EDIL3: variants seen among roughly 807,000 people sequenced by gnomAD.
EDIL3 encodes the protein EGF like and discoidin domains 3, also known as EGF-like repeat and discoidin I-like domain-containing protein 3.
Under a neutral mutation model 67.4 loss-of-function variants are expected in EDIL3, and 37 were observed. The ratio of observed to expected loss-of-function variants is 0.55; its 90% confidence interval spans 0.42 to 0.72. The LOEUF (loss-of-function observed/expected upper bound fraction) is 0.72. EDIL3 is among the 30% of genes least tolerant of loss of function. EDIL3 has a pLI of 0.00. For synonymous variants in EDIL3, 195 were observed against 196.3 expected, an observed-to-expected ratio of 0.99 and a Z score of 0.05; for missense variants, 527 against 586.3, an observed-to-expected ratio of 0.90 and a Z score of 1.04.
intron 8 of EDIL3, among the ~76,000 whole-genome samples, chr5:84,060,983 G>C (rs1041509086): frequency 2.6e-5 from 4 of 152,026 alleles, no homozygotes; most frequent in Non-Finnish European, 5.9e-5. Flanking sequence ...AAACCGGACA[G>C]CATTTTGTTT....
chr5:84,264,724 A>AATTTT (rs1745310994), intron 1 of EDIL3, among the ~76,000 whole-genome samples: 1 of 152,236 alleles, frequency 6.6e-6, no homozygotes, highest in Non-Finnish European at 1.5e-5. Flanking sequence ...AGTTGACAGC[A>AATTTT]GAGGACAAAC....
At chr5:84,291,782 CAGA>C (rs1745927876) in intron 1 of EDIL3, among the ~76,000 whole-genome samples, 1 of 145,124 alleles carries the variant, frequency 6.9e-6, no homozygotes, top group Non-Finnish European at 1.5e-5. Context: ...ATATCATATA[CAGA>C]TATATACACA....
At chr5:84,194,377 T>C (rs1743656151) in intron 3 of EDIL3, among the ~76,000 whole-genome samples, 1 of 151,838 alleles carries the variant, frequency 6.6e-6, no homozygotes, top group Non-Finnish European at 1.5e-5. Context: ...TTAAACCCTT[T>C]TACTCCTAGG....
chr5:84,027,767 T>G (rs1311246255), intron 9 of EDIL3, among the ~76,000 whole-genome samples: 2 of 151,944 alleles, frequency 1.3e-5, no homozygotes, highest in African/African-American at 4.8e-5. Flanking sequence ...GTAATTAGTA[T>G]AAATGATATT....
intron 6 of EDIL3, among the ~76,000 whole-genome samples, chr5:84,072,160 C>A (rs1746750808): frequency 6.6e-6 from 1 of 151,890 alleles, no homozygotes; most frequent in East Asian, 1.9e-4. Flanking sequence ...GTAAAAATTT[C>A]TGCAAGATTA....
intron 4 of EDIL3, among the ~76,000 whole-genome samples, chr5:84,141,718 A>G (rs1748192332): frequency 1.3e-5 from 2 of 148,866 alleles, no homozygotes; most frequent in Non-Finnish European, 3.0e-5. Flanking sequence ...GTTATAACTA[A>G]TTACACAGAT....
chr5:84,316,967 C>G (rs559631655), intron 1 of EDIL3, among the ~76,000 whole-genome samples: 84 of 152,166 alleles, frequency 5.5e-4, no homozygotes, highest in African/African-American at 1.9e-3. Context: ...CACTCAAAAC[C>G]GCACAACTAC....
intron 3 of EDIL3, among the ~76,000 whole-genome samples, chr5:84,193,686 T>C (rs1177812258): frequency 1.3e-5 from 2 of 151,870 alleles, no homozygotes; most frequent in Non-Finnish European, 2.9e-5. Flanking sequence ...AGGAAAAACA[T>C]TAGTAGGGAT....
chr5:84,060,266 C>A, intron 9 of EDIL3, 34 bp downstream of exon 9: 1 of 1,605,474 alleles, frequency 6.2e-7, no homozygotes, highest in Non-Finnish European at 8.5e-7. Context: ...GAAAGAGGAA[C>A]AGTGGGTAGT....
Position 84,066,609 on chromosome 5 carries a change from G to A in EDIL3, c.652-3C>T. ...CTCATTTTCCTTTGCAAATTTATCT[G>A]AAAAGACGAGCACAACCAACAATAA... On this transcript the variant is annotated splice_region_variant and splice_polypyrimidine_tract_variant and intron_variant, in intron 6 of 10. Coordinates refer to ENST00000296591, the MANE Select transcript of EDIL3 (RefSeq NM_005711.5). The A allele has an allele frequency of 6.2e-7, 1 of 1,610,912 alleles. No individual in the cohort carries two copies. The highest frequency in any genetic ancestry group is 8.5e-7 in the Non-Finnish European group (1 of 1,179,210).
rs116697324 is a variant in EDIL3 at position 84,134,365 on chromosome 5, A to G, written c.469+2876T>C. On this transcript the variant is annotated intron_variant, in intron 5 of 10. Transcript: ENST00000296591. ...CAGTTTAAAATTGAAAGTCTGGTAA[A>G]AAATGAGGGAAAGGCTGCCCTCTGG... is the stretch of plus-strand genomic sequence containing the variant. 5.3e-3 allele frequency among the ~76,000 whole-genome samples: 811 copies of G among 152,298 alleles called. 8 individuals are homozygous for G. The highest frequency in any genetic ancestry group is 0.018 in the African/African-American group (768 of 41,562).
At chr5:84,006,965 G>T (rs913799688) in intron 9 of EDIL3, among the ~76,000 whole-genome samples, 2 of 151,852 alleles carry the variant, frequency 1.3e-5, no homozygotes, top group African/African-American at 4.8e-5. Flanking sequence ...ATAGAATAGA[G>T]AACTAAGAAA....
chr5:84,069,622 A>G (rs1486852147), intron 6 of EDIL3, among the ~76,000 whole-genome samples: 1 of 152,058 alleles, frequency 6.6e-6, no homozygotes, highest in Non-Finnish European at 1.5e-5. Context: ...TAACCACTCA[A>G]TGCCAGAAAA....
intron 6 of EDIL3, among the ~76,000 whole-genome samples, chr5:84,073,291 C>T (rs958348640): frequency 6.6e-6 from 1 of 152,126 alleles, no homozygotes; most frequent in Admixed American, 6.5e-5. Flanking sequence ...AGGCACAAGA[C>T]AAGGATGCCC....
At chr5:84,380,713 A>G (rs187012953) in intron 1 of EDIL3, among the ~76,000 whole-genome samples, 95 of 152,254 alleles carry the variant, frequency 6.2e-4, no homozygotes, top group African/African-American at 2.3e-3. Context: ...TCCTTCAAAA[A>G]TGAAAAGTTT....
intron 6 of EDIL3, among the ~76,000 whole-genome samples, chr5:84,104,474 T>A (rs1166721074): frequency 4.6e-5 from 7 of 151,742 alleles, no homozygotes; most frequent in African/African-American, 1.7e-4. Flanking sequence ...ATAAAATGAA[T>A]ACATTGAATA....
Position 84,384,358 on chromosome 5 carries a change from G to A in EDIL3, c.17C>T (p.Ala6Val), listed in dbSNP as rs1748176545. The A allele has an allele frequency of 6.2e-7, 1 of 1,612,406 alleles. No homozygotes were observed. The highest frequency in any genetic ancestry group is 8.5e-7 in the Non-Finnish European group (1 of 1,179,386). Residue 6 changes from alanine to valine, a missense_variant, in exon 1 of 11, where the codon GCC (alanine) becomes GTC (valine). Ala to Val is a moderately conservative substitution (Grantham distance 64). Around this residue, in one of 2 missense-constraint regions of EDIL3, gnomAD observed 494 missense variants for 522.5 expected, o/e 0.95. Transcript: ENST00000296591. ...GCTGAGCCCGACCAAGAGCCAGACG[G>A]CTACCGAGCGCTTCATGATCCCGTC... MKRSV[A>V]VWLLVGLSLG... is the part of the protein sequence containing the mutation.
At chr5:84,095,068 C>T (rs1485080065) in intron 6 of EDIL3, among the ~76,000 whole-genome samples, 1 of 152,116 alleles carries the variant, frequency 6.6e-6, no homozygotes, top group Non-Finnish European at 1.5e-5. Flanking sequence ...AACAAGGTTC[C>T]CACATCATCA....
chr5:84,347,506 A>T (rs930589983), intron 1 of EDIL3, among the ~76,000 whole-genome samples: 5 of 152,208 alleles, frequency 3.3e-5, no homozygotes, highest in African/African-American at 1.2e-4. Flanking sequence ...CTTAACATAA[A>T]TATACGTAAC....
Sources: allele counts gnomAD v4.1 joint callset (sites outside exome capture counted in the v4.1 genomes callset), GRCh38; gene constraint gnomAD v4.1.1; regional missense constraint gnomAD v4.1.1; transcripts MANE v1.5; gene names NCBI Gene and HGNC (gene_info 2026-07-23, HGNC 2026-07-21).